Variants in RASGRF1 observed in about 807,000 individuals in gnomAD.
The protein encoded by RASGRF1 is ras-specific guanine nucleotide-releasing factor 1.
Under a neutral mutation model 138.7 loss-of-function variants are expected in RASGRF1, and 40 were observed. The observed-to-expected ratio is 0.29, with a 90% CI of 0.22 to 0.38. The LOEUF is 0.38. Ranked by LOEUF, RASGRF1 falls within the 10% of genes least tolerant of loss-of-function variation. The pLI, the probability that RASGRF1 is intolerant of heterozygous loss-of-function variation, is 1.00. For missense variants in RASGRF1, 1,108 were observed against 1,650.4 expected (o/e 0.67, Z 5.69); for synonymous variants, 614 against 663.2 (o/e 0.93, Z 1.14).
chr15:79,010,003 G>C (rs907601695), intron 13 of RASGRF1, among the ~76,000 whole-genome samples: 1 of 150,074 alleles, frequency 6.7e-6, no homozygotes, highest in African/African-American at 2.5e-5. Context: ...GATTACAGGA[G>C]TGAGCCACTG....
intron 1 of RASGRF1, among the ~76,000 whole-genome samples, chr15:79,082,210 C>G (rs1015260612): frequency 7.2e-5 from 11 of 152,250 alleles, no homozygotes; most frequent in Non-Finnish European, 1.6e-4. Flanking sequence ...ATATTCTCCT[C>G]TCAGCCTTTC....
intron 10 of RASGRF1, 47 bp downstream of exon 10, chr15:79,025,267 A>G: frequency 6.5e-7 from 1 of 1,537,424 alleles, no homozygotes; most frequent in Non-Finnish European, 8.8e-7. Flanking sequence ...CAGCGCCTGC[A>G]TGACCCTAGC....
At chr15:79,036,640 G>A (rs2057226810) in intron 5 of RASGRF1, among the ~76,000 whole-genome samples, 2 of 152,192 alleles carry the variant, frequency 1.3e-5, no homozygotes, top group African/African-American at 2.4e-5. Flanking sequence ...GGGGCCAGTT[G>A]ATGGAGGGGG....
chr15:79,006,029 G>T lies in RASGRF1; in HGVS notation c.2075+157C>A. 9.0e-7 allele frequency: 1 copy of T among 1,105,542 alleles called. No individual in the cohort carries two copies. Among genetic ancestry groups the T allele is most frequent in the Non-Finnish European group, 1.3e-6 (1 of 784,794 alleles). 68.5% of individuals were successfully genotyped at this position (1,105,542 alleles called of 1,614,324 possible). A position where few individuals can be genotyped will look rare whatever the true frequency, so the allele number is the denominator to read the frequency against. On this transcript the variant is annotated intron_variant, in intron 14 of 26. Coordinates refer to ENST00000558480, the MANE Select transcript of RASGRF1 (RefSeq NM_001145648.3). This position sits in a 1 kb window ranked among gnomAD's most constrained non-coding sequence, Gnocchi z 4.0. ...CAGAGGGAGGCTTGGTTCCTGGGGA[G>T]AGGGGGCAGTGGCGGTGTGTGTCCC...
At chr15:79,029,565 G>T (rs978908550) in intron 8 of RASGRF1, among the ~76,000 whole-genome samples, 5 of 152,116 alleles carry the variant, frequency 3.3e-5, no homozygotes, top group Non-Finnish European at 7.4e-5. Context: ...GCTCCTGGGA[G>T]CCCTGGAAAT....
chr15:79,058,256 G>A, intron 3 of RASGRF1, 78 bp downstream of exon 3: 1 of 1,541,116 alleles, frequency 6.5e-7, no homozygotes, highest in African/African-American at 1.4e-5. Context: ...CCTGTCATGT[G>A]GCTCCCCAAT....
intron 8 of RASGRF1, 124 bp downstream of exon 8, chr15:79,031,276 T>C (rs1254725591): frequency 1.3e-6 from 1 of 754,600 alleles, no homozygotes; most frequent in Non-Finnish European, 2.2e-6. Flanking sequence ...TGGCAAGCTG[T>C]GCCCCTCCCT....
chr15:79,072,527 G>T (rs544880735), intron 1 of RASGRF1, among the ~76,000 whole-genome samples: 1 of 151,132 alleles, frequency 6.6e-6, no homozygotes, highest in African/African-American at 2.4e-5. Context: ...CGCCCGCCTC[G>T]GCCTCCCAAA....
In RASGRF1 at chr15:79,027,869, T is replaced by TG; in HGVS notation, c.1263-11dup. 6.2e-7 allele frequency: 1 copy of TG among 1,613,834 alleles called. No homozygotes were observed. The highest frequency in any genetic ancestry group is 8.5e-7 in the Non-Finnish European group (1 of 1,179,714). On this transcript the variant is annotated splice_polypyrimidine_tract_variant and intron_variant, in intron 8 of 26. Transcript: ENST00000558480. The surrounding 1 kb of genome is among the most constrained non-coding windows in gnomAD (Gnocchi z 4.8). ...TTCATCGTGCATTATTCTGTGGGGA[T>TG]GGGAAACTGCACAGTCAGAGACAGG...
In RASGRF1 at chr15:78,967,369, A is replaced by G. The variant is rs565330408; in HGVS notation, c.3681+4497T>C. On this transcript the variant is annotated intron_variant, in intron 26 of 26. Coordinates refer to ENST00000558480, the MANE Select transcript of RASGRF1 (RefSeq NM_001145648.3). Reference sequence around the variant, plus strand: ...GAGACCAGGCTGGACAACATGGCAAAACCCTGTTTCTACAAAAAATATAAA... The same window carrying G: ...GAGACCAGGCTGGACAACATGGCAAGACCCTGTTTCTACAAAAAATATAAA... 3.3e-4 allele frequency among the ~76,000 whole-genome samples: 51 copies of G among 152,268 alleles called. No homozygotes were observed. In the South Asian group the frequency reaches 6.8e-3, roughly 20 times the overall value.
chr15:78,992,032 C>G (rs2056280909), intron 20 of RASGRF1, among the ~76,000 whole-genome samples: 1 of 152,178 alleles, frequency 6.6e-6, no homozygotes, highest in South Asian at 2.1e-4. Context: ...GCCCAGTGCT[C>G]GGACTGCCCT....
intron 1 of RASGRF1, among the ~76,000 whole-genome samples, chr15:79,078,662 C>G (rs534876531): frequency 6.6e-6 from 1 of 152,144 alleles, no homozygotes; most frequent in African/African-American, 2.4e-5. Context: ...GGGTCAGGAC[C>G]CCACTTTGTG....
At chr15:79,012,418 C>T (rs2056813609) in intron 13 of RASGRF1, 2 of 1,174,016 alleles carry the variant, frequency 1.7e-6, no homozygotes, top group Admixed American at 1.9e-5. Context: ...CACTACACTG[C>T]TTTCTAATAA....
At chr15:79,065,097 C>T (rs1399778223) in intron 1 of RASGRF1, among the ~76,000 whole-genome samples, 4 of 152,214 alleles carry the variant, frequency 2.6e-5, no homozygotes, top group Admixed American at 2.6e-4. Flanking sequence ...AATAGACACC[C>T]ATCTGCAATA....
At chr15:79,025,197 C>T in intron 10 of RASGRF1, 117 bp downstream of exon 10, 17 of 1,152,412 alleles carry the variant, frequency 1.5e-5, no homozygotes, top group South Asian at 3.8e-5. Flanking sequence ...TGTGTGTGTG[C>T]ATGCACACGT....
At position 79,006,295 on chromosome 15, in the gene RASGRF1, C is replaced by T. The variant is rs762539997; in HGVS notation, c.1966G>A (p.Asp656Asn). ...GAGTGCAGGAAGGTGTTGAGGAAGT[C>T]GATGCTCAGGAAGCGCAGGTCCGTC... The part of the protein sequence containing the change: ...RLTDLRFLSI[D>N]FLNTFLHSYR... Residue 656 changes from aspartate to asparagine, a missense_variant, in exon 14 of 27, where the codon GAC becomes AAC. By Grantham distance (23) the Asp-to-Asn change is conservative. Around this residue, in one of 3 missense-constraint regions of RASGRF1, gnomAD observed 686 missense variants for 976.7 expected, o/e 0.70. Coordinates refer to ENST00000558480, the MANE Select transcript of RASGRF1 (RefSeq NM_001145648.3). This position sits in a 1 kb window ranked among gnomAD's most constrained non-coding sequence, Gnocchi z 4.0. The T allele has an allele frequency of 6.2e-7, 1 of 1,614,146 alleles. No individual in the cohort carries two copies. The highest frequency in any genetic ancestry group is 1.1e-5 in the South Asian group (1 of 91,082).
In RASGRF1 at chr15:79,020,047, C is replaced by T; in HGVS notation, c.1600G>A (p.Glu534Lys). ...TLLEEPESTE[E>K]EAKGSGQDID... The stretch of plus-strand genomic sequence containing the variant: ...ATGCAGCTTTCACACTCACCTTCCT[C>T]CTCCGTGCTTTCTGGCTCCTCCAAT... Residue 534 changes from glutamate (E) to lysine (K), a missense_variant, in exon 11 of 27, where the codon GAG becomes AAG. Glu to Lys is a moderately conservative substitution (Grantham distance 56). This residue lies in a region of RASGRF1 where 686 missense variants were observed against 976.7 expected (regional missense o/e 0.70). Coordinates refer to ENST00000558480, the MANE Select transcript of RASGRF1 (RefSeq NM_001145648.3). The T allele has an allele frequency of 6.2e-7, 1 of 1,614,136 alleles. No homozygotes were observed. The highest frequency in any genetic ancestry group is 8.5e-7 in the Non-Finnish European group (1 of 1,180,038).
rs762945870 is a variant in RASGRF1, at chr15:79,032,267, G to A, written c.1008C>T (p.Phe336=). Residue 336 remains phenylalanine (F), a synonymous_variant, in exon 7 of 27, where the codon TTC becomes TTT. Transcript: ENST00000558480. The surrounding 1 kb of genome is among the most constrained non-coding windows in gnomAD (Gnocchi z 4.5). The part of the protein sequence containing the change: ...LLPMLNIYQE[F]VRNHQYSLQI... ...GCAGGCTGTACTGGTGGTTGCGGAC[G>A]AACTCTTGGTAGATGTTGAGCATGG... 3.3e-5 allele frequency: 53 copies of A among 1,613,894 alleles called. 2 individuals are homozygous for A. The highest frequency in any genetic ancestry group is 2.6e-4 in the South Asian group (24 of 91,074).
chr15:78,989,408 G>A (rs1030818189), intron 22 of RASGRF1, among the ~76,000 whole-genome samples: 3 of 151,976 alleles, frequency 2.0e-5, no homozygotes, highest in African/African-American at 7.3e-5. Flanking sequence ...TCCTAGCCAG[G>A]GAGATTCAGG....
Sources: gnomAD v4.1 joint callset for allele counts (sites outside exome capture counted in the v4.1 genomes callset) on GRCh38, gnomAD v4.1.1 for gene constraint, gnomAD v4.1.1 regional missense constraint, Gnocchi (gnomAD v3.1) non-coding constraint, MANE v1.5 for transcripts, NCBI Gene and HGNC (gene_info 2026-07-23, HGNC 2026-07-21) for gene names.